The following DNAH7 variants were observed in gnomAD, a reference collection of about 807,000 sequenced individuals.
DNAH7 encodes the protein dynein axonemal heavy chain 7, also known as axonemal beta dynein heavy chain 7.
Under a neutral mutation model 444.6 loss-of-function variants are expected in DNAH7, and 397 were observed. The observed-to-expected ratio is 0.89, with a 90% CI of 0.82 to 0.97. The LOEUF (loss-of-function observed/expected upper bound fraction) is 0.97, where lower values mean the gene tolerates loss of function less well. Among genes scored for constraint, DNAH7 ranks in the 50% least tolerant of loss-of-function variants. DNAH7 has a pLI of 0.00. For synonymous variants in DNAH7, 1,636 were observed against 1,624.4 expected (o/e 1.01, Z -0.17); for missense variants, 4,902 against 4,800.8 (o/e 1.02, Z -0.62).
At chr2:195,952,861 T>C (rs1323657257) in intron 19 of DNAH7, among the ~76,000 whole-genome samples, 2 of 152,210 alleles carry the variant, frequency 1.3e-5, no homozygotes, top group East Asian at 1.9e-4. Flanking sequence ...TTAGCTTCCT[T>C]GCATTGGGTT....
intron 10 of DNAH7, among the ~76,000 whole-genome samples, chr2:196,002,844 C>A (rs1218102911): frequency 1.3e-5 from 2 of 151,908 alleles, no homozygotes; most frequent in Non-Finnish European, 2.9e-5. Context: ...CCCATCTCTA[C>A]TAAAAATACA....
intron 36 of DNAH7, among the ~76,000 whole-genome samples, chr2:195,879,159 T>C (rs1232710233): frequency 6.6e-6 from 1 of 152,132 alleles, no homozygotes; most frequent in Non-Finnish European, 1.5e-5. Flanking sequence ...TATGACTCAT[T>C]ATGACAATTT....
At chr2:195,827,130 C>A (rs1052532264) in intron 48 of DNAH7, among the ~76,000 whole-genome samples, 12 of 152,136 alleles carry the variant, frequency 7.9e-5, no homozygotes, top group African/African-American at 2.9e-4. Context: ...CCATGTAACA[C>A]AGGGGTGCTG....
chr2:195,973,751 C>T (rs1692001838), intron 15 of DNAH7, among the ~76,000 whole-genome samples: 1 of 152,064 alleles, frequency 6.6e-6, no homozygotes, highest in Non-Finnish European at 1.5e-5. Flanking sequence ...GAATTACAGG[C>T]GTCAGCCACC....
At chr2:195,841,604 G>A (rs1305058078) in intron 47 of DNAH7, among the ~76,000 whole-genome samples, 5 of 151,898 alleles carry the variant, frequency 3.3e-5, no homozygotes, top group African/African-American at 1.2e-4. Flanking sequence ...GTCTTTGGAT[G>A]AATACAAATT....
At chr2:195,924,629 G>A (rs1371954158) in intron 22 of DNAH7, among the ~76,000 whole-genome samples, 1 of 151,794 alleles carries the variant, frequency 6.6e-6, no homozygotes, top group East Asian at 1.9e-4. Context: ...GCAAGAGAGA[G>A]GCCACAGCAC....
chr2:195,832,733 T>G (rs1197821292), intron 48 of DNAH7, among the ~76,000 whole-genome samples: 1 of 152,176 alleles, frequency 6.6e-6, no homozygotes, highest in Non-Finnish European at 1.5e-5. Flanking sequence ...TGAGCCACTG[T>G]GTCCAGCCTA....
rs201407001 is a variant in DNAH7 at position 195,740,780 on chromosome 2, C to G, written c.11854G>C (p.Asp3952His). 1.4e-5 allele frequency: 22 copies of G among 1,540,634 alleles called. No homozygotes were observed. The highest frequency in any genetic ancestry group is 7.2e-5 in the East Asian group (3 of 41,834). The change falls in exon 64 of 65, where the codon GAT (aspartate) becomes CAT (histidine). Residue 3952 changes from aspartate (D) to histidine (H), a missense_variant. Transcript: ENST00000312428. The stretch of plus-strand genomic sequence containing the variant: ...AATTTACTAACCACAGGCACTGTAT[C>G]ATAAAGAATTTTGGGATGCGATTCT... The part of the protein sequence containing the change: ...LAESHPKILY[D>H]TVPVMWLKPC...
At chr2:196,061,534 A>C (rs1698134033) in intron 1 of DNAH7, among the ~76,000 whole-genome samples, 1 of 152,166 alleles carries the variant, frequency 6.6e-6, no homozygotes, top group Admixed American at 6.5e-5. Flanking sequence ...TTAAGCTAAA[A>C]TCCCTGGTAC....
At position 196,051,285 on chromosome 2, in the gene DNAH7, C is replaced by T. The variant is rs1403652860; in HGVS notation, c.79-36G>A. 10 of 1,564,840 alleles carry T rather than the reference C, an allele frequency of 6.4e-6. No individual in the cohort carries two copies. The East Asian group carries it at 6.7e-5, about 11-fold the overall frequency. ...AATATGAAGGGGAAAAAAGTGTTTA[C>T]TCTGTTAGTGCTAAAATTGATTCAC... On this transcript the variant is annotated intron_variant, in intron 2 of 64. Transcript: ENST00000312428.
chr2:195,956,765 G>T (rs1690692372), intron 19 of DNAH7, among the ~76,000 whole-genome samples: 1 of 151,760 alleles, frequency 6.6e-6, no homozygotes, highest in African/African-American at 2.4e-5. Context: ...CACAGTATTT[G>T]TGTATTTTTC....
Position 195,888,261 on chromosome 2 carries a change from T to C in DNAH7, c.5403A>G (p.Thr1801=), listed in dbSNP as rs369014768. ...PVSVEFIRKH[T]KELSPTSDTN... ...TTAAAATTCTCATTTCCCTTACCTT[T>C]GTATGCTTTCTAATAAATTCAACCG... The change falls in exon 33 of 65, where the codon ACA becomes ACG. Residue 1801 remains threonine (T), a synonymous_variant. Coordinates refer to ENST00000312428, the MANE Select transcript of DNAH7 (RefSeq NM_018897.3). 13 of 1,607,090 alleles carry C rather than the reference T, an allele frequency of 8.1e-6. No homozygotes were observed. Among genetic ancestry groups the C allele is most frequent in the Non-Finnish European group, 1.0e-5 (12 of 1,177,536 alleles).
chr2:195,933,737 CGG>C (rs1688857168), intron 21 of DNAH7, among the ~76,000 whole-genome samples: 1 of 104,380 alleles, frequency 9.6e-6, no homozygotes, highest in Non-Finnish European at 1.8e-5. Flanking sequence ...CATCACACAC[CGG>C]GGCCTGTTGT....
chr2:195,880,524 T>C (rs2125167815), intron 36 of DNAH7, among the ~76,000 whole-genome samples: 1 of 151,494 alleles, frequency 6.6e-6, no homozygotes, highest in African/African-American at 2.4e-5. Context: ...TTTGTATTTT[T>C]AGTAGAGACT....
chr2:196,002,480 A>G (rs1229722754), intron 10 of DNAH7, among the ~76,000 whole-genome samples: 2 of 152,226 alleles, frequency 1.3e-5, no homozygotes, highest in African/African-American at 2.4e-5. Context: ...TAATGATGAT[A>G]ATAAGCAAAG....
At chr2:195,827,913 A>C (rs934331353) in intron 48 of DNAH7, among the ~76,000 whole-genome samples, 1 of 152,122 alleles carries the variant, frequency 6.6e-6, no homozygotes, top group East Asian at 1.9e-4. Flanking sequence ...ATTTCTTCTT[A>C]TAATTTAACT....
At chr2:195,904,817 G>GT (rs2125281750) in intron 27 of DNAH7, 1 of 152,234 alleles carries the variant, frequency 6.6e-6, no homozygotes, top group African/African-American at 2.4e-5. Context: ...AACAGAGGGA[G>GT]TTTTTGAGAA....
Position 195,754,513 on chromosome 2 carries a change from T to C in DNAH7, c.11588A>G (p.Gln3863Arg), listed in dbSNP as rs1391976024. The C allele has an allele frequency of 6.2e-7, 1 of 1,613,398 alleles. No individual in the cohort carries two copies. The highest frequency in any genetic ancestry group is 1.1e-5 in the South Asian group (1 of 90,964). The change falls in exon 63 of 65, where the codon CAA (glutamine) becomes CGA (arginine). Residue 3863 changes from glutamine (Q) to arginine (R), a missense_variant and splice_region_variant. Coordinates refer to ENST00000312428, the MANE Select transcript of DNAH7 (RefSeq NM_018897.3). ...DFLARLKFLQ[Q>R]WYEVGPPPVF... Reference sequence around the variant, plus strand: ...TGGAGGAGGACCAACCTCATACCATTGCTAGGGTGTAAAACACAAGTGGGC... The same window carrying C: ...TGGAGGAGGACCAACCTCATACCATCGCTAGGGTGTAAAACACAAGTGGGC...
Position 195,972,380 on chromosome 2 carries a change from G to T in DNAH7, c.1920C>A (p.Ile640=), listed in dbSNP as rs142589377. Reference sequence around the variant, plus strand: ...CTGCTGGAGAAAAGTTGACATACTCGATGAGGAAGGCGAGGCAGTTTTTGG... The same window carrying T: ...CTGCTGGAGAAAAGTTGACATACTCTATGAGGAAGGCGAGGCAGTTTTTGG... ...VDSKNCLAFL[I]EYVNFSPADM... is the part of the protein sequence containing the mutation. The change falls in exon 16 of 65, where the codon ATC becomes ATA. Residue 640 remains isoleucine (I), a synonymous_variant. Transcript: ENST00000312428. 1.9e-6 allele frequency: 3 copies of T among 1,613,984 alleles called. No homozygotes were observed. In the South Asian group the frequency reaches 3.3e-5, roughly 18 times the overall value.
Sources: gnomAD v4.1 joint callset for allele counts (sites outside exome capture counted in the v4.1 genomes callset) on GRCh38, gnomAD v4.1.1 for gene constraint, MANE v1.5 for transcripts, NCBI Gene and HGNC (gene_info 2026-07-23, HGNC 2026-07-21) for gene names.